DYRK1A: variants seen among roughly 807,000 people sequenced by gnomAD.
The protein encoded by DYRK1A is dual specificity tyrosine phosphorylation regulated kinase 1A.
In DYRK1A, 9 loss-of-function variants were observed where a neutral mutation model predicts 79.7. That is an observed-to-expected ratio of 0.11 (90% CI 0.07 to 0.20). DYRK1A has a LOEUF of 0.20. Among genes scored for constraint, DYRK1A ranks in the 10% least tolerant of loss-of-function variants. The pLI is 1.00. For missense variants in DYRK1A, 622 were observed against 956.0 expected, an observed-to-expected ratio of 0.65 and a Z score of 4.61; for synonymous variants, 349 against 329.7, an observed-to-expected ratio of 1.06 and a Z score of -0.63.
chr21:37,426,229 A>C (rs1256589930), intron 2 of DYRK1A, among the ~76,000 whole-genome samples: 1 of 152,206 alleles, frequency 6.6e-6, no homozygotes. Context: ...TGAAAAGGGA[A>C]GAGAACTCTT....
At chr21:37,405,508 C>T (rs768509421) in intron 1 of DYRK1A, among the ~76,000 whole-genome samples, 35 of 152,120 alleles carry the variant, frequency 2.3e-4, no homozygotes, top group Non-Finnish European at 1.0e-4. Flanking sequence ...ACCTCCAGAT[C>T]CCCACCCACC....
chr21:37,449,208 GT>G (rs2051366615), intron 2 of DYRK1A, among the ~76,000 whole-genome samples: 1 of 152,164 alleles, frequency 6.6e-6, no homozygotes, highest in South Asian at 2.1e-4. Flanking sequence ...TTAATTATTT[GT>G]TATCATTTCT....
chr21:37,450,573 A>G (rs543815370), intron 2 of DYRK1A, among the ~76,000 whole-genome samples: 1 of 152,102 alleles, frequency 6.6e-6, no homozygotes, highest in Non-Finnish European at 1.5e-5. Context: ...TTGCCTTCCT[A>G]TATTTGGGTG....
At chr21:37,390,114 C>T (rs1382614156) in intron 1 of DYRK1A, among the ~76,000 whole-genome samples, 1 of 151,752 alleles carries the variant, frequency 6.6e-6, no homozygotes, top group Admixed American at 6.6e-5. Context: ...AGTCCTGTGC[C>T]TCAAACCTAT....
intron 2 of DYRK1A, among the ~76,000 whole-genome samples, chr21:37,469,411 A>G (rs1280379339): frequency 6.6e-6 from 1 of 152,234 alleles, no homozygotes; most frequent in Non-Finnish European, 1.5e-5. Flanking sequence ...GTAATGGACA[A>G]ACTGCAGTTT....
intron 1 of DYRK1A, among the ~76,000 whole-genome samples, chr21:37,378,521 G>A (rs972563643): frequency 6.6e-6 from 1 of 152,196 alleles, no homozygotes; most frequent in African/African-American, 2.4e-5. Flanking sequence ...CAACAAGAGC[G>A]AAACTCCATC....
intron 1 of DYRK1A, among the ~76,000 whole-genome samples, chr21:37,378,481 G>C (rs534464030): frequency 1.1e-4 from 17 of 152,310 alleles, no homozygotes; most frequent in African/African-American, 3.8e-4. Flanking sequence ...GTGGTGAGCC[G>C]GAGATCACGC....
intron 7 of DYRK1A, among the ~76,000 whole-genome samples, chr21:37,491,149 G>A (rs1272844568): frequency 6.6e-6 from 1 of 152,008 alleles, no homozygotes; most frequent in Non-Finnish European, 1.5e-5. Flanking sequence ...ACATATCCAA[G>A]CTGGTTTTTT....
intron 1 of DYRK1A, chr21:37,375,010 C>T (rs1403805321): frequency 6.6e-6 from 1 of 152,188 alleles, no homozygotes; most frequent in Non-Finnish European, 1.5e-5. Flanking sequence ...CTGGGACTAG[C>T]ATTGTTTTTC....
chr21:37,497,355 G>A (rs2053302543), intron 9 of DYRK1A, among the ~76,000 whole-genome samples: 1 of 152,158 alleles, frequency 6.6e-6, no homozygotes, highest in African/African-American at 2.4e-5. Context: ...TATAGGCAGT[G>A]CAGTTTCCAG....
intron 3 of DYRK1A, among the ~76,000 whole-genome samples, chr21:37,476,119 CAGCTACAATATTATAGT>C (rs1323197278): frequency 1.3e-5 from 2 of 152,166 alleles, no homozygotes; most frequent in Non-Finnish European, 2.9e-5. Flanking sequence ...TGGACATCTT[CAGCTACAATATTATAGT>C]AGCTGCACTA....
intron 9 of DYRK1A, 171 bp from the exon 10 acceptor site, chr21:37,505,112 C>T: frequency 3.3e-6 from 2 of 604,684 alleles, no homozygotes; most frequent in Non-Finnish European, 5.8e-6. Context: ...TGAACTGTAA[C>T]TACCATGCAT....
intron 1 of DYRK1A, among the ~76,000 whole-genome samples, chr21:37,375,859 GTTA>G (rs913942876): frequency 1.3e-5 from 2 of 151,964 alleles, no homozygotes; most frequent in African/African-American, 2.4e-5. Context: ...ATTTGTATCA[GTTA>G]TTATTATTAG....
intron 8 of DYRK1A, among the ~76,000 whole-genome samples, chr21:37,494,209 A>C (rs866171373): frequency 1.3e-5 from 2 of 150,188 alleles, no homozygotes; most frequent in South Asian, 2.1e-4. Context: ...ATTCATTTCA[A>C]CTTGAACTGG....
At chr21:37,462,022 T>TATA (rs1569343910) in intron 2 of DYRK1A, among the ~76,000 whole-genome samples, 5 of 152,310 alleles carry the variant, frequency 3.3e-5, no homozygotes, top group Admixed American at 2.6e-4. Context: ...AATTTCCATT[T>TATA]AGTTCCTTTT....
intron 5 of DYRK1A, among the ~76,000 whole-genome samples, chr21:37,483,165 T>C (rs1321661121): frequency 6.6e-6 from 1 of 152,216 alleles, no homozygotes; most frequent in African/African-American, 2.4e-5. Context: ...CATGAAATCT[T>C]CACAATTTAT....
intron 1 of DYRK1A, among the ~76,000 whole-genome samples, chr21:37,415,997 T>C (rs1415371590): frequency 2.6e-5 from 4 of 152,152 alleles, no homozygotes; most frequent in African/African-American, 9.7e-5. Flanking sequence ...CTTGCATCTC[T>C]GTATTTTCTC....
chr21:37,382,928 G>T (rs2049687087), intron 1 of DYRK1A, among the ~76,000 whole-genome samples: 1 of 152,198 alleles, frequency 6.6e-6, no homozygotes, highest in African/African-American at 2.4e-5. Flanking sequence ...TTGATACCTT[G>T]TGTTATTGGT....
intron 2 of DYRK1A, among the ~76,000 whole-genome samples, chr21:37,468,111 T>A (rs767585194): frequency 1.3e-5 from 2 of 152,166 alleles, no homozygotes; most frequent in Non-Finnish European, 2.9e-5. Flanking sequence ...CCAAACTTAC[T>A]TACTTTTTTT....
Sources: gnomAD v4.1 joint callset for allele counts (sites outside exome capture counted in the v4.1 genomes callset) on GRCh38, gnomAD v4.1.1 for gene constraint, MANE v1.5 for transcripts, NCBI Gene and HGNC (gene_info 2026-07-23, HGNC 2026-07-21) for gene names.